The following CPT1A variants were observed in gnomAD, a reference collection of about 807,000 sequenced individuals.
CPT1A encodes carnitine palmitoyltransferase 1A, also known as carnitine O-palmitoyltransferase 1, liver isoform.
In CPT1A, 64 loss-of-function variants were observed where a neutral mutation model predicts 100.8. The ratio of observed to expected loss-of-function variants is 0.63; its 90% confidence interval spans 0.52 to 0.78. The LOEUF (loss-of-function observed/expected upper bound fraction) is 0.78. Ranked by LOEUF, CPT1A falls within the 30% of genes least tolerant of loss-of-function variation. CPT1A has a pLI of 0.00. For missense variants in CPT1A, 802 were observed against 1,034.1 expected (o/e 0.78, Z 3.08); for synonymous variants, 363 against 396.0 (o/e 0.92, Z 0.99).
At chr11:68,835,002 A>AT (rs1856973829) in intron 1 of CPT1A, among the ~76,000 whole-genome samples, 1 of 151,612 alleles carries the variant, frequency 6.6e-6, no homozygotes, top group Non-Finnish European at 1.5e-5. Context: ...CCATCTCAAA[A>AT]AAAAAAAAAT....
At chr11:68,771,394 G>A (rs759427723) in intron 14 of CPT1A, among the ~76,000 whole-genome samples, 1 of 152,200 alleles carries the variant, frequency 6.6e-6, no homozygotes, top group African/African-American at 2.4e-5. Context: ...CTGTAGGTAA[G>A]GTATCAACTG....
At chr11:68,842,052 C>A, upstream of CPT1A, 1 of 753,350 alleles carries the variant, frequency 1.3e-6, no homozygotes, top group Non-Finnish European at 1.6e-6. Flanking sequence ...CGGGTGCTCG[C>A]GTCCTCGACC....
rs769751060 is a variant in CPT1A at position 68,781,776 on chromosome 11, G to C, written c.1347C>G (p.Tyr449Ter). 6.2e-7 allele frequency: 1 copy of C among 1,614,176 alleles called. No individual in the cohort carries two copies. Among genetic ancestry groups the C allele is most frequent in the Non-Finnish European group, 8.5e-7 (1 of 1,180,002 alleles). The change falls in exon 11 of 19, where the codon TAC becomes TAG. Residue 449 changes from tyrosine to a stop codon, truncating the protein, a stop_gained. Transcript: ENST00000265641. LOFTEE classifies it high-confidence loss of function. The stretch of plus-strand genomic sequence containing the variant: ...TCAGAAGGTAAGGACGGTACCTGTC[G>C]TAACATCGGCCGTGTAGTAGAGATT... The part of the protein sequence containing the change: ...YAKSLLHGRC[Y>*]DRWFDKSFTF...
intron 1 of CPT1A, among the ~76,000 whole-genome samples, chr11:68,821,215 C>T (rs1291565329): frequency 2.0e-5 from 3 of 152,142 alleles, no homozygotes; most frequent in Non-Finnish European, 2.9e-5. Flanking sequence ...TGCAATGGCA[C>T]AGTCTCGGCT....
At chr11:68,770,429 C>T (rs1382288194) in intron 14 of CPT1A, among the ~76,000 whole-genome samples, 1 of 152,216 alleles carries the variant, frequency 6.6e-6, no homozygotes, top group East Asian at 1.9e-4. Flanking sequence ...CCCAATTACC[C>T]TGTCATCTGC....
rs1441864916 is a variant in CPT1A, at chr11:68,781,780, C to T, written c.1343G>A (p.Cys448Tyr). The change falls in exon 11 of 19, where the codon TGT (cysteine) becomes TAT (tyrosine). Residue 448 changes from cysteine to tyrosine, a missense_variant. Physicochemically the swap from Cys to Tyr is radical, Grantham distance 194. Coordinates refer to ENST00000265641, the MANE Select transcript of CPT1A (RefSeq NM_001876.4). ...SYAKSLLHGR[C>Y]YDRWFDKSFT... ...AAGGTAAGGACGGTACCTGTCGTAACATCGGCCGTGTAGTAGAGATTTGGC... is the reference window on the plus strand; with the variant it reads ...AAGGTAAGGACGGTACCTGTCGTAATATCGGCCGTGTAGTAGAGATTTGGC... 6.2e-7 allele frequency: 1 copy of T among 1,614,060 alleles called. No homozygotes were observed. The highest frequency in any genetic ancestry group is 8.5e-7 in the Non-Finnish European group (1 of 1,180,046).
rs543750413 is a variant in CPT1A, at chr11:68,822,229, T to TA, written c.-13-6743dup. 1.3e-3 allele frequency among the ~76,000 whole-genome samples: 182 copies of TA among 144,060 alleles called. 1 individual carries two copies. The highest frequency in any genetic ancestry group is 4.1e-3 in the Admixed American group (59 of 14,372). 94.5% of individuals were successfully genotyped at this position (144,060 alleles called of 152,430 possible). A position where few individuals can be genotyped will look rare whatever the true frequency, so the allele number is the denominator to read the frequency against. On this transcript the variant is annotated intron_variant, in intron 1 of 18. Coordinates refer to ENST00000265641, the MANE Select transcript of CPT1A (RefSeq NM_001876.4). ...CCTGTCTCTGTATAATAAACAAAAA[T>TA]AAAAAAAAAAATAAAAATTGGGCCA...
chr11:68,826,048 G>A (rs1566385918), intron 1 of CPT1A, among the ~76,000 whole-genome samples: 1 of 152,152 alleles, frequency 6.6e-6, no homozygotes, highest in Non-Finnish European at 1.5e-5. Context: ...AAAGCCATTC[G>A]CACCACACCC....
upstream of CPT1A, among the ~76,000 whole-genome samples, chr11:68,843,368 C>T (rs1361465409): frequency 7.2e-6 from 1 of 139,226 alleles, no homozygotes; most frequent in African/African-American, 2.6e-5. This position sits in a 1 kb window ranked among gnomAD's most constrained non-coding sequence, Gnocchi z 4.0. Context: ...TCCCCGCCCC[C>T]CACCCCACCA....
chr11:68,772,901 A>G (rs1475729701), intron 14 of CPT1A, among the ~76,000 whole-genome samples: 4 of 152,144 alleles, frequency 2.6e-5, no homozygotes, highest in Non-Finnish European at 5.9e-5. Flanking sequence ...CGAATACGTA[A>G]CTGACTATTC....
intron 14 of CPT1A, among the ~76,000 whole-genome samples, chr11:68,770,731 G>A (rs1854963728): frequency 6.6e-6 from 1 of 152,188 alleles, no homozygotes; most frequent in Non-Finnish European, 1.5e-5. Context: ...ACGCCACTGT[G>A]GGTGACTATT....
At chr11:68,839,562 G>A in intron 1 of CPT1A, 1 of 985,500 alleles carries the variant, frequency 1.0e-6, no homozygotes, top group Non-Finnish European at 1.2e-6. Flanking sequence ...CTCTCCGTGG[G>A]AAGGTCGAGC....
At position 68,775,418 on chromosome 11, in the gene CPT1A, A is replaced by G; in HGVS notation, c.1473T>C (p.Ile491=). ...CCGCATAGCCCAGCTGGAGGCTGTC[A>G]ATGGACATGACGTACTGTCAAAAAT... ...VAHLWEYVMS[I]DSLQLGYAED... The change falls in exon 13 of 19, where the codon ATT becomes ATC. Residue 491 remains isoleucine (I), a synonymous_variant. Coordinates refer to ENST00000265641, the MANE Select transcript of CPT1A (RefSeq NM_001876.4). The G allele has an allele frequency of 6.2e-7, 1 of 1,613,844 alleles. No individual in the cohort carries two copies. Among genetic ancestry groups the G allele is most frequent in the South Asian group, 1.1e-5 (1 of 91,082 alleles).
chr11:68,777,258 C>T (rs1433559747), intron 12 of CPT1A, among the ~76,000 whole-genome samples: 6 of 151,898 alleles, frequency 4.0e-5, no homozygotes, highest in African/African-American at 7.3e-5. Flanking sequence ...GGCAAAACCC[C>T]GTCTCTACAA....
At chr11:68,824,397 C>T (rs1856668713) in intron 1 of CPT1A, among the ~76,000 whole-genome samples, 1 of 152,036 alleles carries the variant, frequency 6.6e-6, no homozygotes, top group Non-Finnish European at 1.5e-5. Flanking sequence ...ACTCTGGGTA[C>T]ACCAGAAACC....
At chr11:68,763,594 G>A (rs960073966) in intron 14 of CPT1A, among the ~76,000 whole-genome samples, 2 of 152,120 alleles carry the variant, frequency 1.3e-5, no homozygotes, top group African/African-American at 2.4e-5. Context: ...AGGAAGCCTC[G>A]GGTGGGCTGG....
intron 12 of CPT1A, among the ~76,000 whole-genome samples, chr11:68,776,374 G>C (rs1265026787): frequency 6.6e-6 from 1 of 152,176 alleles, no homozygotes; most frequent in Admixed American, 6.5e-5. Context: ...ACTCCAGCCT[G>C]AGCGACAGAG....
intron 8 of CPT1A, 32 bp downstream of exon 8, chr11:68,794,772 A>G (rs952750607): frequency 2.5e-5 from 38 of 1,541,904 alleles, no homozygotes; most frequent in Non-Finnish European, 3.2e-5. Flanking sequence ...GCTGTTTGAA[A>G]ATAATTTTTT....
At chr11:68,812,245 C>T (rs535884280) in intron 3 of CPT1A, among the ~76,000 whole-genome samples, 192 bp downstream of exon 3, 5 of 152,258 alleles carry the variant, frequency 3.3e-5, no homozygotes, top group Admixed American at 6.5e-5. Context: ...GAGGAAAGGC[C>T]GCAGGGGACC....
Sources: gnomAD v4.1 joint callset for allele counts (sites outside exome capture counted in the v4.1 genomes callset) on GRCh38, gnomAD v4.1.1 for gene constraint, Gnocchi (gnomAD v3.1) non-coding constraint, MANE v1.5 for transcripts, NCBI Gene and HGNC (gene_info 2026-07-23, HGNC 2026-07-21) for gene names.